LAPTM5: variants seen among roughly 807,000 people sequenced by gnomAD.
The protein encoded by LAPTM5 is lysosomal protein transmembrane 5, also known as lysosomal-associated transmembrane protein 5.
Under a neutral mutation model 30.1 loss-of-function variants are expected in LAPTM5, and 11 were observed. The ratio of observed to expected loss-of-function variants is 0.37; its 90% CI spans 0.23 to 0.60. The LOEUF is 0.60. Among genes scored for constraint, LAPTM5 ranks in the 20% least tolerant of loss-of-function variants. The pLI is 0.71. For missense variants in LAPTM5, 324 were observed against 332.5 expected (o/e 0.97, Z 0.20); for synonymous variants, 151 against 137.9 (o/e 1.10, Z -0.67).
intron 7 of LAPTM5, among the ~76,000 whole-genome samples, chr1:30,734,462 A>T (rs1189878469): frequency 3.9e-5 from 6 of 152,200 alleles, no homozygotes; most frequent in African/African-American, 1.4e-4. Context: ...AGGAAAGTAG[A>T]GTCAAGAGTT....
At chr1:30,751,426 C>T (rs2124198152) in intron 1 of LAPTM5, among the ~76,000 whole-genome samples, 1 of 152,350 alleles carries the variant, frequency 6.6e-6, no homozygotes. Flanking sequence ...TTTTTCAACC[C>T]CAAACAGATG....
Position 30,745,218 on chromosome 1 carries a change from A to G in LAPTM5, c.88-2669T>C, listed in dbSNP as rs954166950. ...GACTATTCTTAATACTTTCCTTCCCATTTCACAGACGAAGAAAGTGCAGCT... is the reference window on the plus strand; with the variant it reads ...GACTATTCTTAATACTTTCCTTCCCGTTTCACAGACGAAGAAAGTGCAGCT... On this transcript the variant is annotated intron_variant, in intron 1 of 7. Transcript: ENST00000294507. Among the ~76,000 whole-genome samples the G allele has an allele frequency of 9.2e-5, 14 of 152,272 alleles. No homozygotes were observed. The East Asian group carries it at 2.5e-3, about 27-fold the overall frequency.
chr1:30,754,391 C>T (rs543455307), intron 1 of LAPTM5, among the ~76,000 whole-genome samples: 16 of 152,184 alleles, frequency 1.1e-4, no homozygotes, highest in African/African-American at 3.4e-4. Flanking sequence ...TTAAAATTAG[C>T]TGGCCATGGT....
intron 6 of LAPTM5, 86 bp downstream of exon 6, chr1:30,737,518 G>C (rs1247858955): frequency 2.6e-5 from 24 of 910,856 alleles, no homozygotes. Context: ...ACATGTCCCT[G>C]CCTTCTAACA....
Position 30,737,612 on chromosome 1 carries a change from T to C in LAPTM5, c.598A>G (p.Ile200Val). Residue 200 changes from isoleucine to valine, a missense_variant, in exon 6 of 8, where the codon ATC (isoleucine) becomes GTC (valine). Coordinates refer to ENST00000294507, the MANE Select transcript of LAPTM5 (RefSeq NM_006762.3). ...IFSIAFITVL[I>V]FKVYMFKCVW... is the part of the protein sequence containing the mutation. ...GGCAGGGATCCACTCACCTTGAAGATAAGGACAGTGATGAAGGCGATGGAA... is the reference window on the plus strand; with the variant it reads ...GGCAGGGATCCACTCACCTTGAAGACAAGGACAGTGATGAAGGCGATGGAA... 6.2e-7 allele frequency: 1 copy of C among 1,611,114 alleles called. No individual in the cohort carries two copies. Among genetic ancestry groups the C allele is most frequent in the Non-Finnish European group, 8.5e-7 (1 of 1,177,620 alleles).
intron 1 of LAPTM5, among the ~76,000 whole-genome samples, chr1:30,755,043 G>A (rs1640191224): frequency 6.6e-6 from 1 of 152,194 alleles, no homozygotes; most frequent in African/African-American, 2.4e-5. Flanking sequence ...CTTTCGGGGT[G>A]CAGGAAGATA....
At position 30,733,742 on chromosome 1, in the gene LAPTM5, C is replaced by G; in HGVS notation, c.*86G>C. On this transcript the variant is annotated 3_prime_UTR_variant, in exon 8 of 8. Transcript: ENST00000294507. Reference sequence around the variant, plus strand: ...GCCAGGGAGGGGCGGGAGGGCCCACCCAGGCCACAGGGGCCACCAAAGCAA... The same window carrying G: ...GCCAGGGAGGGGCGGGAGGGCCCACGCAGGCCACAGGGGCCACCAAAGCAA... The G allele has an allele frequency of 1.7e-5, 26 of 1,538,568 alleles. No homozygotes were observed. The South Asian group carries it at 2.9e-4, about 17-fold the overall frequency.
chr1:30,738,805 A>G, intron 5 of LAPTM5, 135 bp downstream of exon 5: 1 of 986,334 alleles, frequency 1.0e-6, no homozygotes, highest in South Asian at 1.7e-5. Context: ...TCAATAAATC[A>G]CCAGCACAAG....
intron 3 of LAPTM5, among the ~76,000 whole-genome samples, chr1:30,740,914 G>A (rs1639961673): frequency 6.6e-6 from 1 of 152,234 alleles, no homozygotes; most frequent in African/African-American, 2.4e-5. Context: ...CCAGGCCCCT[G>A]TCTGCACAGG....
chr1:30,744,546 C>T lies in LAPTM5; in HGVS notation c.88-1997G>A, dbSNP rs570337442. Among the ~76,000 whole-genome samples the T allele has an allele frequency of 3.3e-5, 5 of 152,294 alleles. No individual in the cohort carries two copies. The East Asian group carries it at 9.6e-4, about 29-fold the overall frequency. The stretch of plus-strand genomic sequence containing the variant: ...AGAAGACTTTCAAAGTCTCAAGATT[C>T]CAGGATTATCTGAGATCTGGAACAA... On this transcript the variant is annotated intron_variant, in intron 1 of 7. Transcript: ENST00000294507.
intron 1 of LAPTM5, among the ~76,000 whole-genome samples, chr1:30,743,032 C>T (rs1251779271): frequency 3.9e-5 from 6 of 152,190 alleles, no homozygotes; most frequent in African/African-American, 1.2e-4. Context: ...CACCATAGAG[C>T]TTCAGGTTCC....
At position 30,733,370 on chromosome 1, in the gene LAPTM5, A is replaced by G; in HGVS notation, c.*458T>C. ...TTTATATATAGGGGGTAACTAATTA[A>G]TGATTACTTGATTAAATTGCTATGT... is the stretch of plus-strand genomic sequence containing the variant. On this transcript the variant is annotated 3_prime_UTR_variant, in exon 8 of 8. Coordinates refer to ENST00000294507, the MANE Select transcript of LAPTM5 (RefSeq NM_006762.3). 3 of 385,722 alleles carry G rather than the reference A, an allele frequency of 7.8e-6. No homozygotes were observed. The highest frequency in any genetic ancestry group is 1.3e-5 in the Non-Finnish European group (3 of 226,994). 23.9% of individuals were successfully genotyped at this position (385,722 alleles called of 1,614,324 possible). A position where few individuals can be genotyped will look rare whatever the true frequency, so the allele number is the denominator to read the frequency against.
intron 2 of LAPTM5, 41 bp from the exon 3 acceptor site, chr1:30,741,757 C>A: frequency 6.7e-7 from 1 of 1,495,834 alleles, no homozygotes; most frequent in Non-Finnish European, 9.1e-7. Flanking sequence ...AGGGGTGCCC[C>A]TGGGACCCCA....
In LAPTM5 at chr1:30,733,224, A is replaced by T. The variant is rs1639836279; in HGVS notation, c.*604T>A. ...ATTAAATGGTTTGGAGGCTAACGTG[A>T]TTTTTTAAATTGAATTTCATCACTA... On this transcript the variant is annotated 3_prime_UTR_variant, in exon 8 of 8. Coordinates refer to ENST00000294507, the MANE Select transcript of LAPTM5 (RefSeq NM_006762.3). 6.0e-6 allele frequency: 1 copy of T among 166,900 alleles called. No homozygotes were observed. Among genetic ancestry groups the T allele is most frequent in the African/African-American group, 2.4e-5 (1 of 41,514 alleles). The allele number at this position is 166,900 out of a possible 1,614,324, so 10.3% of individuals were successfully genotyped here.
intron 1 of LAPTM5, among the ~76,000 whole-genome samples, chr1:30,752,348 G>A (rs1028568142): frequency 6.6e-6 from 1 of 152,196 alleles, no homozygotes; most frequent in Non-Finnish European, 1.5e-5. Context: ...TCTGAAGCTT[G>A]TAAAAGCAAA....
At chr1:30,741,854 TC>T in intron 2 of LAPTM5, 138 bp from the exon 3 acceptor site, 1 of 572,524 alleles carries the variant, frequency 1.7e-6, no homozygotes, top group Non-Finnish European at 3.1e-6. Flanking sequence ...CCTCTTGCAG[TC>T]CTGAGTCTGG....
At chr1:30,749,333 C>T (rs567958639) in intron 1 of LAPTM5, among the ~76,000 whole-genome samples, 184 of 152,094 alleles carry the variant, frequency 1.2e-3, no homozygotes, top group Non-Finnish European at 1.8e-3. Flanking sequence ...TCAGTGGGGG[C>T]GGGGCAGTGG....
chr1:30,749,606 C>T (rs760863054), intron 1 of LAPTM5, among the ~76,000 whole-genome samples: 10 of 152,156 alleles, frequency 6.6e-5, no homozygotes, highest in Non-Finnish European at 1.2e-4. Flanking sequence ...GGCCAGAGGG[C>T]ACGACTCCCA....
At chr1:30,755,301 T>C (rs1640194913) in intron 1 of LAPTM5, among the ~76,000 whole-genome samples, 1 of 151,798 alleles carries the variant, frequency 6.6e-6, no homozygotes, top group African/African-American at 2.4e-5. Flanking sequence ...TGGATGCTGC[T>C]GAACTTCCTC....
Sources: gnomAD v4.1 joint callset for allele counts (sites outside exome capture counted in the v4.1 genomes callset) on GRCh38, gnomAD v4.1.1 for gene constraint, MANE v1.5 for transcripts, NCBI Gene and HGNC (gene_info 2026-07-23, HGNC 2026-07-21) for gene names.